Variants in ZDHHC6 observed in about 807,000 individuals in gnomAD.
ZDHHC6 encodes the protein palmitoyltransferase ZDHHC6.
In ZDHHC6, 32 loss-of-function variants were observed where a neutral mutation model predicts 57.8. The ratio of observed to expected loss-of-function variants is 0.55; its 90% confidence interval spans 0.42 to 0.74. The LOEUF is 0.74. Among genes scored for constraint, ZDHHC6 ranks in the 30% least tolerant of loss-of-function variants. The probability of loss-of-function intolerance (pLI) is 0.00; values close to 1 mark genes in which losing one functional copy is unlikely to be tolerated. For missense variants in ZDHHC6, 433 were observed against 500.7 expected (o/e 0.86, Z 1.29); for synonymous variants, 128 against 158.0 (o/e 0.81, Z 1.42).
Position 112,430,846 on chromosome 10 carries a change from A to G in ZDHHC6, c.1200T>C (p.Ala400=), listed in dbSNP as rs1334544793. The G allele has an allele frequency of 6.2e-7, 1 of 1,613,988 alleles. No homozygotes were observed. The highest frequency in any genetic ancestry group is 1.1e-5 in the South Asian group (1 of 91,044). Residue 400 remains alanine, a synonymous_variant, in exon 11 of 11, where the codon GCT becomes GCC. Transcript: ENST00000369405. ...RKCVEKCPCD[A]ETDQAPEGEK... ...CCCCCTCTGGGGCTTGATCTGTTTC[A>G]GCATCACAGGGACACTTTTCCACAC...
downstream of ZDHHC6, chr10:112,426,992 CT>C: frequency 1.1e-6 from 1 of 910,798 alleles, no homozygotes; most frequent in Admixed American, 2.3e-5. Flanking sequence ...ACAAAATGAC[CT>C]TTTGTAGTTA....
At chr10:112,444,144 T>C (rs1846414686) in intron 2 of ZDHHC6, among the ~76,000 whole-genome samples, 3 of 152,304 alleles carry the variant, frequency 2.0e-5, no homozygotes, top group African/African-American at 7.2e-5. Context: ...CCCCTACAAC[T>C]TTCTATGGTC....
chr10:112,426,891 CTT>C (rs763888027), downstream of ZDHHC6: 22 of 1,529,932 alleles, frequency 1.4e-5, no homozygotes, highest in Admixed American at 3.2e-4. Flanking sequence ...ATACTGGCCT[CTT>C]GTCAGAAAGT....
chr10:112,428,634 G>T (rs1353875381), downstream of ZDHHC6, among the ~76,000 whole-genome samples: 1 of 152,128 alleles, frequency 6.6e-6, no homozygotes, highest in Non-Finnish European at 1.5e-5. Flanking sequence ...AGCTGGGCGT[G>T]GTGGCGGGCA....
chr10:112,446,581 C>A (rs1846765762), intron 1 of ZDHHC6, 124 bp downstream of exon 1: 2 of 152,164 alleles, frequency 1.3e-5, no homozygotes, highest in African/African-American at 4.8e-5. Flanking sequence ...AGAAATAAAT[C>A]CTCACCCAAG....
intron 2 of ZDHHC6, among the ~76,000 whole-genome samples, 154 bp downstream of exon 2, chr10:112,445,016 T>C (rs1846505808): frequency 6.6e-6 from 1 of 152,156 alleles, no homozygotes; most frequent in Non-Finnish European, 1.5e-5. Context: ...TGAAATAAAG[T>C]CTCCGAGCCT....
chr10:112,445,345 A>G lies in ZDHHC6; in HGVS notation c.92T>C (p.Ile31Thr), dbSNP rs114180389. 18 of 1,614,238 alleles carry G rather than the reference A, an allele frequency of 1.1e-5. No homozygotes were observed. The highest frequency in any genetic ancestry group is 2.7e-5 in the African/African-American group (2 of 75,060). ...CATGGCCATGGTAGAACATATTGCT[A>G]TAACACCAAGGGCTATGATGGGACC... is the stretch of plus-strand genomic sequence containing the variant. ...HWGPIIALGV[I>T]AICSTMAMID... Residue 31 changes from isoleucine to threonine, a missense_variant, in exon 2 of 11, where the codon ATA (isoleucine) becomes ACA (threonine). By Grantham distance (89) the Ile-to-Thr change is moderately conservative. Coordinates refer to ENST00000369405, the MANE Select transcript of ZDHHC6 (RefSeq NM_022494.3).
Position 112,430,656 on chromosome 10 carries a change from T to C in ZDHHC6, c.*148A>G, listed in dbSNP as rs1589714510. 11 of 578,056 alleles carry C rather than the reference T, an allele frequency of 1.9e-5. No homozygotes were observed. Among genetic ancestry groups the C allele is most frequent in the Non-Finnish European group, 2.8e-6 (1 of 354,924 alleles). 35.8% of individuals were successfully genotyped at this position (578,056 alleles called of 1,614,324 possible). On this transcript the variant is annotated 3_prime_UTR_variant, in exon 11 of 11. Transcript: ENST00000369405. Reference sequence around the variant, plus strand: ...GAATGGCTTCTCCATTTCAAAATGGTAATAAAAATATTTAAATCATGGCAC... The same window carrying C: ...GAATGGCTTCTCCATTTCAAAATGGCAATAAAAATATTTAAATCATGGCAC...
At chr10:112,427,508 TATA>T (rs1353944180), downstream of ZDHHC6, 10 of 628,900 alleles carry the variant, frequency 1.6e-5, no homozygotes, top group Admixed American at 4.0e-5. Context: ...TATTGAGACA[TATA>T]ATGTGTAAAC....
downstream of ZDHHC6, chr10:112,426,393 C>A (rs1312737605): frequency 6.4e-7 from 1 of 1,573,198 alleles, no homozygotes; most frequent in East Asian, 2.2e-5. Flanking sequence ...TATGCACACC[C>A]ATGGGCCCAT....
intron 6 of ZDHHC6, among the ~76,000 whole-genome samples, 164 bp from the exon 7 acceptor site, chr10:112,434,628 T>C (rs1180202618): frequency 2.0e-5 from 3 of 152,178 alleles, no homozygotes; most frequent in Admixed American, 6.5e-5. Flanking sequence ...TTCATCACAA[T>C]ATAGGAAGAA....
intron 8 of ZDHHC6, 82 bp downstream of exon 8, chr10:112,433,158 A>T: frequency 1.8e-6 from 2 of 1,137,274 alleles, no homozygotes; most frequent in Non-Finnish European, 2.4e-6. Flanking sequence ...ATTGGTTTCT[A>T]GTCAGTCAAT....
At chr10:112,442,093 CA>C (rs1293138159) in intron 4 of ZDHHC6, 98 bp downstream of exon 4, 1 of 1,324,692 alleles carries the variant, frequency 7.5e-7, no homozygotes, top group African/African-American at 1.5e-5. Context: ...AACTAAATCA[CA>C]GAAAGCATAT....
At chr10:112,426,184 C>A, downstream of ZDHHC6, 1 of 1,171,272 alleles carries the variant, frequency 8.5e-7, no homozygotes, top group Non-Finnish European at 1.3e-6. Flanking sequence ...CATAATTCTG[C>A]TTTATTTAAC....
downstream of ZDHHC6, chr10:112,425,563 G>T: frequency 8.9e-7 from 1 of 1,126,588 alleles, no homozygotes. Context: ...GTATAGTTGG[G>T]TTCAGAATGA....
Position 112,445,370 on chromosome 10 carries a change from C to A in ZDHHC6, c.67G>T (p.Gly23Cys). 2 of 1,614,120 alleles carry A rather than the reference C, an allele frequency of 1.2e-6. No individual in the cohort carries two copies. Among genetic ancestry groups the A allele is most frequent in the Non-Finnish European group, 1.7e-6 (2 of 1,180,028 alleles). The change falls in exon 2 of 11, where the codon GGT (glycine) becomes TGT (cysteine). Residue 23 changes from glycine to cysteine, a missense_variant. Physicochemically the swap from Gly to Cys is radical, Grantham distance 159 (BLOSUM62 -3). Coordinates refer to ENST00000369405, the MANE Select transcript of ZDHHC6 (RefSeq NM_022494.3). Reference sequence around the variant, plus strand: ...ATAACACCAAGGGCTATGATGGGACCCCAGTGACACAGTCTCTTTAATTCT... The same window carrying A: ...ATAACACCAAGGGCTATGATGGGACACCAGTGACACAGTCTCTTTAATTCT... ...LQELKRLCHW[G>C]PIIALGVIAI...
chr10:112,433,452 A>G (rs534289409), intron 7 of ZDHHC6, 171 bp from the exon 8 acceptor site: 3 of 499,360 alleles, frequency 6.0e-6, no homozygotes, highest in Non-Finnish European at 1.0e-5. Flanking sequence ...AAAAGGCCCT[A>G]TGCTAAGAAC....
rs1415976960 is a variant in ZDHHC6 at position 112,434,278 on chromosome 10, T to C, written c.903+19A>G. On this transcript the variant is annotated intron_variant, in intron 7 of 10. Transcript: ENST00000369405. ...AAGGCGAGGCAAAAAGGAAGGGCTA[T>C]TTGAACAAAAATACTCACTGTTAAG... is the stretch of plus-strand genomic sequence containing the variant. 6.5e-7 allele frequency: 1 copy of C among 1,539,736 alleles called. No individual in the cohort carries two copies. The highest frequency in any genetic ancestry group is 2.0e-5 in the Admixed American group (1 of 50,772).
chr10:112,432,009 T>G (rs1845084570), intron 10 of ZDHHC6, among the ~76,000 whole-genome samples: 1 of 152,220 alleles, frequency 6.6e-6, no homozygotes, highest in South Asian at 2.1e-4. Context: ...CTTATACAAG[T>G]ACTTTTCGCA....
Sources: gnomAD v4.1 joint callset for allele counts (sites outside exome capture counted in the v4.1 genomes callset) on GRCh38, gnomAD v4.1.1 for gene constraint, MANE v1.5 for transcripts, NCBI Gene and HGNC (gene_info 2026-07-23, HGNC 2026-07-21) for gene names.